CHGB: variants seen among roughly 807,000 people sequenced by gnomAD.
CHGB encodes chromogranin B.
In CHGB, 46 loss-of-function variants were observed where a neutral mutation model predicts 69.9. The ratio of observed to expected loss-of-function variants is 0.66; its 90% CI spans 0.52 to 0.84. The LOEUF (loss-of-function observed/expected upper bound fraction) is 0.84. CHGB is among the 40% of genes least tolerant of loss of function. CHGB has a pLI of 0.00. For missense variants in CHGB, 796 were observed against 822.2 expected, an observed-to-expected ratio of 0.97 and a Z score of 0.39; for synonymous variants, 312 against 298.2, an observed-to-expected ratio of 1.05 and a Z score of -0.48.
intron 4 of CHGB, among the ~76,000 whole-genome samples, 169 bp from the exon 5 acceptor site, chr20:5,924,803 C>T (rs1378390861): frequency 2.0e-5 from 3 of 152,204 alleles, no homozygotes; most frequent in Non-Finnish European, 4.4e-5. Context: ...CTGACAAGTT[C>T]CTGGCTGATG....
At chr20:5,911,743 C>G (rs2088448145) in intron 1 of CHGB, 61 bp downstream of exon 1, 3 of 1,339,932 alleles carry the variant, frequency 2.2e-6, no homozygotes, top group Non-Finnish European at 2.9e-6. Context: ...TCTTCCCCGC[C>G]GCTCCCGCAG....
In CHGB at chr20:5,923,042, C is replaced by A. The variant is rs778423183; in HGVS notation, c.898C>A (p.Pro300Thr). The A allele has an allele frequency of 6.2e-7, 1 of 1,613,646 alleles. No individual in the cohort carries two copies. The highest frequency in any genetic ancestry group is 1.1e-5 in the South Asian group (1 of 91,026). Residue 300 changes from proline to threonine, a missense_variant, in exon 4 of 5, where the codon CCC becomes ACC. Transcript: ENST00000378961. ...PDRSSQGGSLPSEEKGHPQEE... is the reference protein window; with the variant it reads ...PDRSSQGGSLTSEEKGHPQEE... ...CAGGTCCTCTCAAGGAGGGAGTCTTCCCTCTGAGGAAAAGGGACACCCCCA... is the reference window on the plus strand; with the variant it reads ...CAGGTCCTCTCAAGGAGGGAGTCTTACCTCTGAGGAAAAGGGACACCCCCA...
chr20:5,925,087 A>G lies in CHGB; in HGVS notation c.*38A>G. Reference sequence around the variant, plus strand: ...CGGTGGGCACTGTTAAGAAGCAGCCATCACATGATCTGTTTTTCACCACTT... The same window carrying G: ...CGGTGGGCACTGTTAAGAAGCAGCCGTCACATGATCTGTTTTTCACCACTT... On this transcript the variant is annotated 3_prime_UTR_variant, in exon 5 of 5. Coordinates refer to ENST00000378961, the MANE Select transcript of CHGB (RefSeq NM_001819.3). The G allele has an allele frequency of 7.1e-7, 1 of 1,412,820 alleles. No individual in the cohort carries two copies. The allele number at this position is 1,412,820 out of a possible 1,614,324, so 87.5% of individuals were successfully genotyped here.
In CHGB at chr20:5,912,644, A is replaced by G. The variant is rs1331868828; in HGVS notation, c.49+962A>G. On this transcript the variant is annotated intron_variant, in intron 1 of 4. Transcript: ENST00000378961. ...GAAGATCTGAAGTGTGTGTGTGTGC[A>G]TGTGTGTGTGTGTGTTGAAGTCGAG... Among the ~76,000 whole-genome samples, 6 of 151,612 alleles carry G rather than the reference A, an allele frequency of 4.0e-5. No individual in the cohort carries two copies. The East Asian group carries it at 9.7e-4, about 24-fold the overall frequency.
intron 3 of CHGB, 43 bp from the exon 4 acceptor site, chr20:5,922,292 C>T (rs752011768): frequency 2.2e-5 from 33 of 1,498,304 alleles, no homozygotes; most frequent in Non-Finnish European, 2.8e-5. Flanking sequence ...TGTGGAACCA[C>T]AAGCAATTCT....
At chr20:5,922,273 G>A (rs781283922) in intron 3 of CHGB, 62 bp from the exon 4 acceptor site, 29 of 1,486,478 alleles carry the variant, frequency 2.0e-5, no homozygotes, top group Non-Finnish European at 2.5e-5. Context: ...GATTACTGAG[G>A]CTGGTGCTTG....
chr20:5,914,675 G>A (rs1311642153), intron 1 of CHGB: 1 of 152,172 alleles, frequency 6.6e-6, no homozygotes, highest in Non-Finnish European at 1.5e-5. Context: ...TGCTGAAATG[G>A]GTGTGTTCTC....
At chr20:5,914,408 G>A (rs1039990265) in intron 1 of CHGB, among the ~76,000 whole-genome samples, 1 of 152,182 alleles carries the variant, frequency 6.6e-6, no homozygotes, top group Non-Finnish European at 1.5e-5. Flanking sequence ...GCTACAAGTT[G>A]TCTAGAGTAA....
chr20:5,921,994 A>T (rs1169033387), intron 3 of CHGB, among the ~76,000 whole-genome samples: 1 of 152,180 alleles, frequency 6.6e-6, no homozygotes, highest in East Asian at 1.9e-4. Context: ...AAGAGGTTGG[A>T]CTGGATTAGA....
intron 3 of CHGB, among the ~76,000 whole-genome samples, chr20:5,921,728 T>G (rs2088514992): frequency 6.6e-6 from 1 of 152,232 alleles, no homozygotes; most frequent in Non-Finnish European, 1.5e-5. Context: ...TATCACCAGC[T>G]ACTAAGTTAT....
At chr20:5,919,848 T>C (rs1460388776) in intron 3 of CHGB, among the ~76,000 whole-genome samples, 3 of 152,166 alleles carry the variant, frequency 2.0e-5, no homozygotes, top group Admixed American at 2.0e-4. Context: ...CCACTCCTAC[T>C]TGCATGTCTC....
intron 1 of CHGB, among the ~76,000 whole-genome samples, chr20:5,914,220 A>C (rs2088463012): frequency 6.6e-6 from 1 of 152,232 alleles, no homozygotes; most frequent in Non-Finnish European, 1.5e-5. Flanking sequence ...GGATGACAAC[A>C]TGCCTTTGGC....
At chr20:5,918,521 A>C (rs574481566) in intron 3 of CHGB, among the ~76,000 whole-genome samples, 2 of 152,238 alleles carry the variant, frequency 1.3e-5, no homozygotes, top group African/African-American at 4.8e-5. Flanking sequence ...TGGCCAAAAG[A>C]GTAACCTGAG....
chr20:5,920,808 C>T (rs2088509434), intron 3 of CHGB, among the ~76,000 whole-genome samples: 1 of 152,206 alleles, frequency 6.6e-6, no homozygotes, highest in Non-Finnish European at 1.5e-5. Flanking sequence ...GACAGATGGG[C>T]CTTCTCTCAG....
At chr20:5,915,467 CAG>C (rs1367805450) in intron 1 of CHGB, 1 of 152,170 alleles carries the variant, frequency 6.6e-6, no homozygotes, top group Non-Finnish European at 1.5e-5. Flanking sequence ...TGGTTGCAAA[CAG>C]TGTGGAGAAA....
At position 5,923,670 on chromosome 20, in the gene CHGB, A is replaced by G. The variant is rs1342035277; in HGVS notation, c.1526A>G (p.His509Arg). Residue 509 changes from histidine to arginine, a missense_variant, in exon 4 of 5, where the codon CAT (histidine) becomes CGT (arginine). By Grantham distance (29) the His-to-Arg change is conservative (BLOSUM62 0). Coordinates refer to ENST00000378961, the MANE Select transcript of CHGB (RefSeq NM_001819.3). ...TTTCAAGATAAACAATATAGCTCCC[A>G]TCACACAGCTGAAAAGAGGAAGAGA... is the stretch of plus-strand genomic sequence containing the variant. ...ARFQDKQYSS[H>R]HTAEKRKRLG... is the part of the protein sequence containing the mutation. 2 of 1,614,188 alleles carry G rather than the reference A, an allele frequency of 1.2e-6. No individual in the cohort carries two copies. Among genetic ancestry groups the G allele is most frequent in the South Asian group, 1.1e-5 (1 of 91,088 alleles).
chr20:5,916,565 C>T (rs1186866238), intron 2 of CHGB, among the ~76,000 whole-genome samples, 193 bp downstream of exon 2: 1 of 152,214 alleles, frequency 6.6e-6, no homozygotes, highest in Non-Finnish European at 1.5e-5. Flanking sequence ...TTTAGCACCC[C>T]TGAGGATAGC....
In CHGB at chr20:5,911,520, G is replaced by A; in HGVS notation, c.-114G>A. 8.7e-7 allele frequency: 1 copy of A among 1,150,692 alleles called. No individual in the cohort carries two copies. 71.3% of individuals were successfully genotyped at this position (1,150,692 alleles called of 1,614,324 possible). ...TGCGCCGGCCGCGCCACACCGCGGG[G>A]ACCAGGAGGCACGCTGGTTTTCCGG... On this transcript the variant is annotated 5_prime_UTR_variant, in exon 1 of 5. Coordinates refer to ENST00000378961, the MANE Select transcript of CHGB (RefSeq NM_001819.3).
At chr20:5,922,240 T>G (rs2088518092) in intron 3 of CHGB, 95 bp from the exon 4 acceptor site, 1 of 1,400,672 alleles carries the variant, frequency 7.1e-7, no homozygotes, top group Non-Finnish European at 9.4e-7. Flanking sequence ...CAAGCAATTT[T>G]CAGTGTCATC....
Sources: gnomAD v4.1 joint callset for allele counts (sites outside exome capture counted in the v4.1 genomes callset) on GRCh38, gnomAD v4.1.1 for gene constraint, MANE v1.5 for transcripts, NCBI Gene and HGNC (gene_info 2026-07-23, HGNC 2026-07-21) for gene names.